CEP112: variants seen among roughly 807,000 people sequenced by gnomAD.
The protein encoded by CEP112 is centrosomal protein 112, also known as centrosomal protein of 112 kDa.
A neutral mutation model predicts 153.0 loss-of-function variants in CEP112; 127 were observed. The ratio of observed to expected loss-of-function variants is 0.83; its 90% CI spans 0.72 to 0.96. CEP112 has a LOEUF of 0.96. Ranked by LOEUF, CEP112 falls within the 40% of genes least tolerant of loss-of-function variation. The pLI is 0.00. For synonymous variants in CEP112, 358 were observed against 374.4 expected, an observed-to-expected ratio of 0.96 and a Z score of 0.51; for missense variants, 1,089 against 1,101.2, an observed-to-expected ratio of 0.99 and a Z score of 0.16.
intron 17 of CEP112, among the ~76,000 whole-genome samples, chr17:66,000,748 G>A (rs1197471206): frequency 1.3e-5 from 2 of 152,174 alleles, no homozygotes; most frequent in Admixed American, 1.3e-4. Flanking sequence ...TGGCTGAGAG[G>A]AGGTCAGCTG....
intron 4 of CEP112, among the ~76,000 whole-genome samples, chr17:66,140,545 C>T (rs2070646488): frequency 6.6e-6 from 1 of 152,092 alleles, no homozygotes; most frequent in African/African-American, 2.4e-5. Flanking sequence ...ACTATTTAAA[C>T]TAATAAATGA....
chr17:65,769,676 C>T (rs779014849), intron 21 of CEP112, among the ~76,000 whole-genome samples: 1 of 151,984 alleles, frequency 6.6e-6, no homozygotes, highest in East Asian at 1.9e-4. Flanking sequence ...AAGATAGTTT[C>T]TTCGATAAAT....
chr17:65,952,351 G>C (rs1003224458), intron 18 of CEP112, among the ~76,000 whole-genome samples: 1 of 151,932 alleles, frequency 6.6e-6, no homozygotes, highest in Non-Finnish European at 1.5e-5. Flanking sequence ...ATTCTAACAG[G>C]ACTCAGAGAA....
At chr17:66,011,462 A>T (rs1486061760) in intron 16 of CEP112, among the ~76,000 whole-genome samples, 2 of 152,156 alleles carry the variant, frequency 1.3e-5, no homozygotes, top group African/African-American at 4.8e-5. Flanking sequence ...TTCTGCCTAA[A>T]TTGCATTATT....
chr17:65,902,006 G>GGAAAAAAAA, intron 20 of CEP112, 146 bp downstream of exon 20: 14 of 243,084 alleles, frequency 5.8e-5, no homozygotes, highest in South Asian at 3.6e-4. Context: ...GGGTGGGGGG[G>GGAAAAAAAA]AGAAAAACAA....
intron 20 of CEP112, among the ~76,000 whole-genome samples, chr17:65,892,028 A>C (rs1247317268): frequency 6.6e-6 from 1 of 152,176 alleles, no homozygotes; most frequent in Non-Finnish European, 1.5e-5. Flanking sequence ...TTGTCTTATG[A>C]TCTGTCTTCC....
At chr17:66,023,643 T>C (rs1456882671) in intron 16 of CEP112, among the ~76,000 whole-genome samples, 1 of 152,010 alleles carries the variant, frequency 6.6e-6, no homozygotes, top group Non-Finnish European at 1.5e-5. Context: ...TCACAGGTCT[T>C]ACAAAGCAAT....
rs536705998 is a variant in CEP112, at chr17:65,759,993, G to A, written c.2395-9269C>T. 3.9e-5 allele frequency among the ~76,000 whole-genome samples: 6 copies of A among 152,248 alleles called. No individual in the cohort carries two copies. The East Asian group carries it at 5.8e-4, about 15-fold the overall frequency. ...TAAGTCAGGGACAGTTATTATAGAC[G>A]TATACCTAAGTAGTTAATTTTGGGG... On this transcript the variant is annotated intron_variant, in intron 21 of 26. Coordinates refer to ENST00000535342, the MANE Select transcript of CEP112 (RefSeq NM_001199165.4).
chr17:65,863,302 A>G (rs1311712726), intron 20 of CEP112, among the ~76,000 whole-genome samples: 1 of 152,218 alleles, frequency 6.6e-6, no homozygotes, highest in Non-Finnish European at 1.5e-5. Flanking sequence ...CCTTAAAAGA[A>G]AACATGGCTT....
rs573556918 is a variant in CEP112 at position 66,124,790 on chromosome 17, A to T, written c.642+4956T>A. ...TTCTTCATATTCCAACTTCCCTCTC[A>T]ATCGGCCTGTTATTATTGACTTTTC... is the stretch of plus-strand genomic sequence containing the variant. On this transcript the variant is annotated intron_variant, in intron 6 of 26. Coordinates refer to ENST00000535342, the MANE Select transcript of CEP112 (RefSeq NM_001199165.4). 1.2e-4 allele frequency among the ~76,000 whole-genome samples: 18 copies of T among 152,178 alleles called. No individual in the cohort carries two copies. The South Asian group carries it at 3.5e-3, about 30-fold the overall frequency.
At chr17:65,901,394 C>T (rs2059842600) in intron 20 of CEP112, among the ~76,000 whole-genome samples, 1 of 152,024 alleles carries the variant, frequency 6.6e-6, no homozygotes, top group African/African-American at 2.4e-5. Context: ...CACTAAAGGC[C>T]CTTGATTATA....
rs556784393 is a variant in CEP112 at position 65,773,822 on chromosome 17, C to A, written c.2395-23098G>T. ...AAAGGAGGTTGGGCACAGTAGCTCA[C>A]GACTGTAATCCCAGTGCTTTGGGAG... is the stretch of plus-strand genomic sequence containing the variant. On this transcript the variant is annotated intron_variant, in intron 21 of 26. Transcript: ENST00000535342. 3.9e-5 allele frequency among the ~76,000 whole-genome samples: 6 copies of A among 152,232 alleles called. No individual in the cohort carries two copies. The South Asian group carries it at 1.2e-3, about 32-fold the overall frequency.
rs553823575 is a variant in CEP112, at chr17:65,904,332, T to C, written c.1981-1998A>G. Among the ~76,000 whole-genome samples, 35 of 152,274 alleles carry C rather than the reference T, an allele frequency of 2.3e-4. 1 individual carries two copies. In the South Asian group the frequency reaches 6.8e-3, roughly 30 times the overall value. ...AATAGACAAACAGAGAGCCAAATCA[T>C]GAGTGAACTCCCATTCACAATTACT... On this transcript the variant is annotated intron_variant, in intron 19 of 26. Coordinates refer to ENST00000535342, the MANE Select transcript of CEP112 (RefSeq NM_001199165.4).
At chr17:65,971,283 A>G (rs1177917732) in intron 17 of CEP112, among the ~76,000 whole-genome samples, 3 of 152,232 alleles carry the variant, frequency 2.0e-5, no homozygotes, top group African/African-American at 7.2e-5. Flanking sequence ...CAGCACATGC[A>G]CATAACAAAT....
chr17:66,183,546 A>G (rs1186862172), intron 1 of CEP112, among the ~76,000 whole-genome samples: 1 of 151,714 alleles, frequency 6.6e-6, no homozygotes, highest in African/African-American at 2.4e-5. Flanking sequence ...GAGAAAGTAC[A>G]AAGTTGGAGA....
At chr17:65,734,624 T>A (rs1178807167) in intron 23 of CEP112, among the ~76,000 whole-genome samples, 1 of 152,196 alleles carries the variant, frequency 6.6e-6, no homozygotes, top group East Asian at 1.9e-4. Context: ...TTTTTGCAAA[T>A]CTTTTCAATG....
chr17:65,948,622 C>T (rs1318303435), intron 18 of CEP112, among the ~76,000 whole-genome samples: 2 of 151,460 alleles, frequency 1.3e-5, no homozygotes, highest in African/African-American at 4.8e-5. Flanking sequence ...AACGATAATG[C>T]ATTTTCACAA....
At chr17:66,138,915 G>C (rs1009215609) in intron 4 of CEP112, among the ~76,000 whole-genome samples, 1 of 151,934 alleles carries the variant, frequency 6.6e-6, no homozygotes, top group African/African-American at 2.4e-5. Flanking sequence ...AAGGAAATTA[G>C]AAAACATCTT....
At position 66,120,934 on chromosome 17, in the gene CEP112, G is replaced by T. The variant is rs558651468; in HGVS notation, c.642+8812C>A. On this transcript the variant is annotated intron_variant, in intron 6 of 26. Transcript: ENST00000535342. The stretch of plus-strand genomic sequence containing the variant: ...CTTTCGCCAGTTTCTTTAGATGGGG[G>T]TTTAGATTCATAATTTAGAACTTTC... Among the ~76,000 whole-genome samples, 7 of 152,226 alleles carry T rather than the reference G, an allele frequency of 4.6e-5. No homozygotes were observed. In the South Asian group the frequency reaches 1.5e-3, roughly 32 times the overall value.
Sources: gnomAD v4.1 joint callset for allele counts (sites outside exome capture counted in the v4.1 genomes callset) on GRCh38, gnomAD v4.1.1 for gene constraint, MANE v1.5 for transcripts, NCBI Gene and HGNC (gene_info 2026-07-23, HGNC 2026-07-21) for gene names.